RUNX2: variants seen among roughly 807,000 people sequenced by gnomAD.
RUNX2 encodes the protein RUNX family transcription factor 2.
RUNX2 carries 10 observed loss-of-function variants against 51.7 expected under a neutral mutation model. The observed-to-expected ratio is 0.19, with a 90% CI of 0.12 to 0.33. RUNX2 has a LOEUF of 0.33. Ranked by LOEUF, RUNX2 falls within the 10% of genes least tolerant of loss-of-function variation. The probability of loss-of-function intolerance (pLI) is 1.00; values close to 1 mark genes in which losing one functional copy is unlikely to be tolerated. For synonymous variants in RUNX2, 276 were observed against 273.6 expected (o/e 1.01, Z -0.09); for missense variants, 562 against 691.3 (o/e 0.81, Z 2.10).
intron 7 of RUNX2, among the ~76,000 whole-genome samples, chr6:45,535,097 G>A (rs1801989952): frequency 6.6e-6 from 1 of 152,172 alleles, no homozygotes; most frequent in Non-Finnish European, 1.5e-5. Context: ...ATTGGACGGT[G>A]GAGGCTGGGA....
intron 2 of RUNX2, among the ~76,000 whole-genome samples, chr6:45,339,987 C>A (rs774261670): frequency 4.5e-4 from 68 of 152,224 alleles, no homozygotes; most frequent in Non-Finnish European, 7.1e-4. Context: ...GATGAGGAAG[C>A]TGAGAATGAG....
chr6:45,509,735 G>A (rs1343171640), intron 6 of RUNX2, among the ~76,000 whole-genome samples: 1 of 152,170 alleles, frequency 6.6e-6, no homozygotes. Context: ...TTCTGCACAA[G>A]GAGAACTGTA....
rs1798023940 is a variant in RUNX2 at position 45,414,645 on chromosome 6, C to T, written c.59-7948C>T. 4.6e-5 allele frequency among the ~76,000 whole-genome samples: 7 copies of T among 151,822 alleles called. No homozygotes were observed. The South Asian group carries it at 1.2e-3, about 27-fold the overall frequency. On this transcript the variant is annotated intron_variant, in intron 2 of 8. Transcript: ENST00000647337. ...AGCACTACCCAGTCTCTGACTTCAA[C>T]TGCAATAAGGCAGCAATCGTCTAGC...
At chr6:45,360,912 CCTT>C (rs1312296788) in intron 2 of RUNX2, among the ~76,000 whole-genome samples, 1 of 152,158 alleles carries the variant, frequency 6.6e-6, no homozygotes, top group Admixed American at 6.5e-5. Flanking sequence ...ATATTTGTCT[CCTT>C]CTCTACTGCT....
intron 7 of RUNX2, among the ~76,000 whole-genome samples, chr6:45,522,754 C>T (rs1159602907): frequency 1.3e-5 from 2 of 152,186 alleles, no homozygotes; most frequent in African/African-American, 2.4e-5. Context: ...TGCATAATGT[C>T]GTGGGAAGTA....
chr6:45,518,950 A>C (rs1563121213), intron 7 of RUNX2, among the ~76,000 whole-genome samples: 1 of 152,158 alleles, frequency 6.6e-6, no homozygotes, highest in Admixed American at 6.5e-5. Context: ...TTTTCATTTC[A>C]TTGTCACTAA....
In RUNX2 at chr6:45,531,555, C is replaced by T. The variant is rs533932320; in HGVS notation, c.1022-13662C>T. On this transcript the variant is annotated intron_variant, in intron 7 of 8. Coordinates refer to ENST00000647337, the MANE Select transcript of RUNX2 (RefSeq NM_001024630.4). ...AGATCACAAGGTCAAGAGATCGAGACCATCCTGGCCAACATGGTGAAACCG... is the reference window on the plus strand; with the variant it reads ...AGATCACAAGGTCAAGAGATCGAGATCATCCTGGCCAACATGGTGAAACCG... Among the ~76,000 whole-genome samples the T allele has an allele frequency of 6.6e-5, 10 of 152,236 alleles. No homozygotes were observed. In the South Asian group the frequency reaches 1.7e-3, roughly 25 times the overall value.
chr6:45,524,810 G>A (rs1163209363), intron 7 of RUNX2, among the ~76,000 whole-genome samples: 2 of 152,186 alleles, frequency 1.3e-5, no homozygotes, highest in East Asian at 1.9e-4. Context: ...CATTCTCAGT[G>A]TGGCTTAAAG....
At chr6:45,483,839 T>C (rs1800186335) in intron 5 of RUNX2, among the ~76,000 whole-genome samples, 1 of 152,168 alleles carries the variant, frequency 6.6e-6, no homozygotes, top group Non-Finnish European at 1.5e-5. Flanking sequence ...CAGGGTGTAT[T>C]TGGACTGTCG....
At chr6:45,448,560 C>T (rs1425871166) in intron 5 of RUNX2, among the ~76,000 whole-genome samples, 1 of 151,970 alleles carries the variant, frequency 6.6e-6, no homozygotes, top group African/African-American at 2.4e-5. Flanking sequence ...AGTGCTGGCT[C>T]GGTGTGTGTC....
chr6:45,503,144 T>C (rs1800848580), intron 6 of RUNX2, among the ~76,000 whole-genome samples: 1 of 152,196 alleles, frequency 6.6e-6, no homozygotes, highest in Admixed American at 6.5e-5. Flanking sequence ...GTTCCCATTT[T>C]ATGGTACCAT....
rs372079277 is a variant in RUNX2, at chr6:45,437,944, C to T, written c.581-3C>T. On this transcript the variant is annotated splice_region_variant and splice_polypyrimidine_tract_variant and intron_variant, in intron 4 of 8. Transcript: ENST00000647337. Reference sequence around the variant, plus strand: ...TGTATATTTTCCCCTTTTATATCTGCAGGCAAGAGTTTCACCTTGACCATA... The same window carrying T: ...TGTATATTTTCCCCTTTTATATCTGTAGGCAAGAGTTTCACCTTGACCATA... 14 of 1,602,828 alleles carry T rather than the reference C, an allele frequency of 8.7e-6. No individual in the cohort carries two copies. In the African/African-American group the frequency reaches 1.7e-4, roughly 20 times the overall value.
rs181666798 is a variant in RUNX2, at chr6:45,379,220, C to G, written c.59-43373C>G. ...AATAGATATATTTAGGATGTGAGAG[C>G]TCAGCTTGATGTGTAAATCAGGGAT... On this transcript the variant is annotated intron_variant, in intron 2 of 8. Transcript: ENST00000647337. 1.6e-3 allele frequency among the ~76,000 whole-genome samples: 242 copies of G among 152,256 alleles called. 1 individual carries two copies. The highest frequency in any genetic ancestry group is 5.6e-3 in the African/African-American group (232 of 41,540).
At chr6:45,463,822 T>A (rs1160638791) in intron 5 of RUNX2, among the ~76,000 whole-genome samples, 2 of 152,194 alleles carry the variant, frequency 1.3e-5, no homozygotes, top group African/African-American at 4.8e-5. Context: ...AATGTTTCTA[T>A]CTTCATTAAT....
intron 3 of RUNX2, among the ~76,000 whole-genome samples, chr6:45,428,545 T>C (rs1430001566): frequency 6.6e-6 from 1 of 152,192 alleles, no homozygotes; most frequent in Non-Finnish European, 1.5e-5. Context: ...GCATTTTTTT[T>C]CAGGTCTTGC....
intron 5 of RUNX2, among the ~76,000 whole-genome samples, chr6:45,448,516 G>C (rs751087118): frequency 1.3e-5 from 2 of 152,158 alleles, no homozygotes; most frequent in Non-Finnish European, 2.9e-5. Flanking sequence ...TCTGGGGTGA[G>C]ACTAGCTCTG....
chr6:45,422,773 C>A lies in RUNX2; in HGVS notation c.239C>A (p.Ala80Glu), dbSNP rs766130437. The change falls in exon 3 of 9, where the codon GCG becomes GAG. Residue 80 changes from alanine (A) to glutamate (E), a missense_variant. Physicochemically the swap from Ala to Glu is moderately radical, Grantham distance 107 (BLOSUM62 -1). This residue lies in a region of RUNX2 where 153 missense variants were observed against 144.8 expected (regional missense o/e 1.06). Transcript: ENST00000647337. The part of the protein sequence containing the change: ...QQEAAAAAAA[A>E]AAAAAAAAAV... Reference sequence around the variant, plus strand: ...GAGGCGGCGGCGGCGGCTGCGGCGGCGGCGGCGGCTGCGGCGGCGGCAGCT... The same window carrying A: ...GAGGCGGCGGCGGCGGCTGCGGCGGAGGCGGCGGCTGCGGCGGCGGCAGCT... 1.3e-6 allele frequency: 2 copies of A among 1,484,002 alleles called. No individual in the cohort carries two copies. The highest frequency in any genetic ancestry group is 5.6e-5 in the East Asian group (2 of 35,704). 91.9% of individuals were successfully genotyped at this position (1,484,002 alleles called of 1,614,324 possible).
chr6:45,411,308 G>A (rs919672458), intron 2 of RUNX2, among the ~76,000 whole-genome samples: 9 of 152,286 alleles, frequency 5.9e-5, no homozygotes, highest in Admixed American at 4.6e-4. Context: ...AACGTGTTTA[G>A]ATGTGAGTCT....
At chr6:45,536,389 G>A (rs1802034552) in intron 7 of RUNX2, among the ~76,000 whole-genome samples, 1 of 152,128 alleles carries the variant, frequency 6.6e-6, no homozygotes, top group South Asian at 2.1e-4. Context: ...TAGGCCTGGG[G>A]TAGCTGTATC....
Sources: allele counts gnomAD v4.1 joint callset (sites outside exome capture counted in the v4.1 genomes callset), GRCh38; gene constraint gnomAD v4.1.1; regional missense constraint gnomAD v4.1.1; transcripts MANE v1.5; gene names NCBI Gene and HGNC (gene_info 2026-07-23, HGNC 2026-07-21).